SP100: variants seen among roughly 807,000 people sequenced by gnomAD.
The protein encoded by SP100 is nuclear autoantigen Sp-100.
A neutral mutation model predicts 130.0 loss-of-function variants in SP100; 84 were observed. The ratio of observed to expected loss-of-function variants is 0.65; its 90% confidence interval spans 0.54 to 0.77. SP100 has a LOEUF of 0.77. Among genes scored for constraint, SP100 ranks in the 30% least tolerant of loss-of-function variants. The pLI, the probability that SP100 is intolerant of heterozygous loss-of-function variation, is 0.00. For synonymous variants in SP100, 331 were observed against 351.7 expected (o/e 0.94, Z 0.66); for missense variants, 978 against 1,052.2 (o/e 0.93, Z 0.97).
In SP100 at chr2:230,544,504, T is replaced by A. The variant is rs1337854614; in HGVS notation, c.*1558T>A. On this transcript the variant is annotated 3_prime_UTR_variant, in exon 29 of 29. Coordinates refer to ENST00000340126, the MANE Select transcript of SP100 (RefSeq NM_001080391.2). ...GGACATGAAAGACACTTTTTTTTTT[T>A]AAGATGGAGTTTCACTCTTGTTGCC... 6.8e-6 allele frequency among the ~76,000 whole-genome samples: 1 copy of A among 146,680 alleles called. No individual in the cohort carries two copies. Among genetic ancestry groups the A allele is most frequent in the African/African-American group, 2.5e-5 (1 of 39,992 alleles).
chr2:230,426,370 C>T (rs1449996307), intron 2 of SP100, among the ~76,000 whole-genome samples: 2 of 152,122 alleles, frequency 1.3e-5, no homozygotes, highest in Admixed American at 6.5e-5. Context: ...GTGTTTATAG[C>T]TATAAACTTG....
At chr2:230,489,463 A>G (rs180740452) in intron 17 of SP100, among the ~76,000 whole-genome samples, 13 of 151,646 alleles carry the variant, frequency 8.6e-5, no homozygotes, top group African/African-American at 3.1e-4. Context: ...TAATTTTTTC[A>G]AATAACCAGC....
chr2:230,504,851 C>T (rs1458664096), intron 21 of SP100, among the ~76,000 whole-genome samples: 5 of 152,062 alleles, frequency 3.3e-5, no homozygotes, highest in African/African-American at 1.2e-4. Context: ...ACATCAGGAT[C>T]GGTAGTTCCC....
chr2:230,534,887 G>T, intron 24 of SP100, among the ~76,000 whole-genome samples: 1 of 152,022 alleles, frequency 6.6e-6, no homozygotes, highest in East Asian at 1.9e-4. Flanking sequence ...ATTTTGCATT[G>T]ATTCTTCTCA....
intron 24 of SP100, among the ~76,000 whole-genome samples, chr2:230,519,814 G>A (rs954379190): frequency 3.9e-5 from 6 of 152,138 alleles, no homozygotes; most frequent in Admixed American, 2.6e-4. Context: ...TAATACATCA[G>A]CTTAGGCATT....
rs1480890297 is a variant in SP100 at position 230,545,115 on chromosome 2, A to G, written c.*2169A>G. 6.6e-6 allele frequency among the ~76,000 whole-genome samples: 1 copy of G among 152,256 alleles called. No individual in the cohort carries two copies. The highest frequency in any genetic ancestry group is 1.5e-5 in the Non-Finnish European group (1 of 68,046). The stretch of plus-strand genomic sequence containing the variant: ...CCAGAGGAATATAAATCATTCTACC[A>G]TAAAGACACATGCATGCAAATGTCC... On this transcript the variant is annotated 3_prime_UTR_variant, in exon 29 of 29. Transcript: ENST00000340126.
At chr2:230,488,030 G>C (rs2066197410) in intron 17 of SP100, among the ~76,000 whole-genome samples, 1 of 152,112 alleles carries the variant, frequency 6.6e-6, no homozygotes, top group Admixed American at 6.5e-5. Context: ...TTTGCACATT[G>C]ATTTTGTATC....
At chr2:230,451,802 G>A (rs1249026566) in intron 8 of SP100, among the ~76,000 whole-genome samples, 1 of 115,098 alleles carries the variant, frequency 8.7e-6, no homozygotes, top group Non-Finnish European at 2.0e-5. Flanking sequence ...AGTCCATTTT[G>A]AGTTAATTTT....
chr2:230,530,823 C>T (rs906898606), intron 24 of SP100, among the ~76,000 whole-genome samples: 3 of 152,164 alleles, frequency 2.0e-5, no homozygotes, highest in Admixed American at 6.5e-5. Context: ...AAAAAATGCT[C>T]ATCATCTCTG....
At chr2:230,470,172 A>G in intron 15 of SP100, 74 bp downstream of exon 15, 1 of 1,537,418 alleles carries the variant, frequency 6.5e-7, no homozygotes, top group Non-Finnish European at 8.8e-7. Flanking sequence ...CTGTTTCCAG[A>G]CGCTTTTTAT....
At chr2:230,531,822 C>A (rs1293837116) in intron 24 of SP100, among the ~76,000 whole-genome samples, 1 of 152,066 alleles carries the variant, frequency 6.6e-6, no homozygotes, top group African/African-American at 2.4e-5. Context: ...GTATCAGGAA[C>A]AAAATATGCA....
At chr2:230,457,697 A>G (rs2064354648) in intron 8 of SP100, among the ~76,000 whole-genome samples, 1 of 151,674 alleles carries the variant, frequency 6.6e-6, no homozygotes, top group South Asian at 2.1e-4. Context: ...TCTGTGTTTC[A>G]CTCAGGTGCT....
chr2:230,511,074 A>T, intron 23 of SP100, 51 bp from the exon 24 acceptor site: 1 of 1,217,292 alleles, frequency 8.2e-7, no homozygotes, highest in Non-Finnish European at 1.2e-6. Context: ...ATGTGGGGTT[A>T]ATGAAAAATC....
chr2:230,481,060 T>TGG (rs1310821797), intron 17 of SP100, among the ~76,000 whole-genome samples: 11 of 136,338 alleles, frequency 8.1e-5, no homozygotes, highest in Admixed American at 5.8e-4. Flanking sequence ...GGTGGTGGTG[T>TGG]TGGTCCCTTC....
rs1170009955 is a variant in SP100, at chr2:230,449,595, C to T, written c.621C>T (p.His207=). The T allele has an allele frequency of 6.2e-7, 1 of 1,614,026 alleles. No homozygotes were observed. Among genetic ancestry groups the T allele is most frequent in the Non-Finnish European group, 8.5e-7 (1 of 1,179,972 alleles). ...CACCTGAAAATGGACTCTCAGAGCACCCCTGTGAAACAGAACAGATAAATG... is the reference window on the plus strand; with the variant it reads ...CACCTGAAAATGGACTCTCAGAGCATCCCTGTGAAACAGAACAGATAAATG... ...TTPPENGLSE[H]PCETEQINAK... The change falls in exon 7 of 29, where the codon CAC becomes CAT. Residue 207 remains histidine (H), a synonymous_variant. Transcript: ENST00000340126.
chr2:230,512,914 G>C (rs1034732027), intron 24 of SP100, among the ~76,000 whole-genome samples: 1 of 152,180 alleles, frequency 6.6e-6, no homozygotes, highest in African/African-American at 2.4e-5. Context: ...AAAGAAGCAC[G>C]CAACCTGGAT....
intron 13 of SP100, among the ~76,000 whole-genome samples, chr2:230,468,090 T>A (rs1052749132): frequency 1.3e-5 from 2 of 152,094 alleles, no homozygotes; most frequent in Non-Finnish European, 2.9e-5. Context: ...ACCTAAAAGG[T>A]GGGTGAGATA....
At position 230,416,245 on chromosome 2, in the gene SP100, G is replaced by C. The variant is rs2062595565; in HGVS notation, c.-52G>C. 12 of 1,548,970 alleles carry C rather than the reference G, an allele frequency of 7.7e-6. No homozygotes were observed. The highest frequency in any genetic ancestry group is 4.1e-5 in the African/African-American group (3 of 73,476). On this transcript the variant is annotated 5_prime_UTR_variant, in exon 1 of 29. Coordinates refer to ENST00000340126, the MANE Select transcript of SP100 (RefSeq NM_001080391.2). ...ACACTGCACGCAGGCTGGGCCGACT[G>C]AGGGGCTCAGAGGCCAGGCTCTGAG...
Position 230,539,267 on chromosome 2 carries a change from C to T in SP100, c.2095C>T (p.Pro699Ser). 6.2e-7 allele frequency: 1 copy of T among 1,610,104 alleles called. No homozygotes were observed. Among genetic ancestry groups the T allele is most frequent in the Non-Finnish European group, 8.5e-7 (1 of 1,176,394 alleles). ...SHNNTLVDPC[P>S]ENSNICEVCN... ...GTGATGTCTACATCTCCCCTTCTAG[C>T]CGGAAAACTCAAATATATGTGAGGT... Residue 699 changes from proline (P) to serine (S), a missense_variant and splice_region_variant, in exon 25 of 29, where the codon CCG becomes TCG. Pro to Ser is a moderately conservative substitution (Grantham distance 74, BLOSUM62 -1). Transcript: ENST00000340126.
Sources: allele counts gnomAD v4.1 joint callset (sites outside exome capture counted in the v4.1 genomes callset), GRCh38; gene constraint gnomAD v4.1.1; transcripts MANE v1.5; gene names NCBI Gene and HGNC (gene_info 2026-07-23, HGNC 2026-07-21).